The following NRXN3 variants were observed in gnomAD, a reference collection of about 807,000 sequenced individuals.
NRXN3 encodes the protein neurexin III.
A neutral mutation model predicts 137.6 loss-of-function variants in NRXN3; 32 were observed. That is an observed-to-expected ratio of 0.23 (90% confidence interval 0.18 to 0.31). NRXN3 has a LOEUF of 0.31. NRXN3 is among the 10% of genes least tolerant of loss of function. The pLI is 1.00. For missense variants in NRXN3, 1,574 were observed against 2,062.5 expected (o/e 0.76, Z 4.59); for synonymous variants, 798 against 784.5 (o/e 1.02, Z -0.29).
chr14:79,352,897 A>C (rs2093274721), intron 15 of NRXN3, among the ~76,000 whole-genome samples: 1 of 152,138 alleles, frequency 6.6e-6, no homozygotes, highest in Non-Finnish European at 1.5e-5. Context: ...TACGTATTTA[A>C]CTTGTAAACT....
chr14:79,389,420 C>T (rs370478001), intron 15 of NRXN3, among the ~76,000 whole-genome samples: 43 of 152,318 alleles, frequency 2.8e-4, no homozygotes, highest in East Asian at 1.7e-3. Flanking sequence ...CCATTCATGA[C>T]GGCAGAGCCC....
At chr14:78,815,474 T>C (rs1341433450) in intron 10 of NRXN3, among the ~76,000 whole-genome samples, 1 of 114,702 alleles carries the variant, frequency 8.7e-6, no homozygotes, top group Non-Finnish European at 1.8e-5. Flanking sequence ...ATAATTTGTT[T>C]CTTTCTTTTT....
intron 6 of NRXN3, among the ~76,000 whole-genome samples, chr14:78,697,248 T>A (rs572949481): frequency 1.3e-5 from 2 of 152,138 alleles, no homozygotes; most frequent in South Asian, 4.2e-4. Context: ...TTAGACATCC[T>A]ATGTCCCTTT....
At chr14:79,726,415 A>T (rs2098889686) in intron 19 of NRXN3, among the ~76,000 whole-genome samples, 1 of 152,168 alleles carries the variant, frequency 6.6e-6, no homozygotes, top group African/African-American at 2.4e-5. Context: ...CAATTTGGCT[A>T]GCAGAATTTT....
intron 15 of NRXN3, among the ~76,000 whole-genome samples, chr14:79,132,483 A>T (rs2057676573): frequency 6.6e-6 from 1 of 152,186 alleles, no homozygotes; most frequent in East Asian, 1.9e-4. Flanking sequence ...TTTTGAATAT[A>T]TTGGGTTAAG....
chr14:78,640,043 C>T (rs1203554518), intron 4 of NRXN3, among the ~76,000 whole-genome samples: 1 of 152,110 alleles, frequency 6.6e-6, no homozygotes, highest in Non-Finnish European at 1.5e-5. Flanking sequence ...TCTTTTTCTG[C>T]CAAATTTTGC....
At chr14:78,991,824 A>T (rs2099519538) in intron 15 of NRXN3, among the ~76,000 whole-genome samples, 1 of 152,152 alleles carries the variant, frequency 6.6e-6, no homozygotes, top group Non-Finnish European at 1.5e-5. Context: ...TGTTACATAG[A>T]TGTTGCCTCT....
At chr14:78,224,122 A>G (rs866555205) in intron 1 of NRXN3, among the ~76,000 whole-genome samples, 2 of 151,246 alleles carry the variant, frequency 1.3e-5, no homozygotes, top group African/African-American at 2.4e-5. Context: ...AAATCTTCCA[A>G]CAGCTCCCCA....
intron 2 of NRXN3, among the ~76,000 whole-genome samples, chr14:78,253,194 A>G (rs1980411): frequency 0.25 from 37,450 of 152,162 alleles, 5,180 homozygotes; most frequent in Middle Eastern, 0.4. Context: ...GCTTTGACTC[A>G]CGGCTTAGTT....
At chr14:79,502,919 G>A (rs937384957) in intron 16 of NRXN3, among the ~76,000 whole-genome samples, 15 of 152,170 alleles carry the variant, frequency 9.9e-5, no homozygotes, top group Non-Finnish European at 2.2e-4. Context: ...TCAGATGGGA[G>A]CAGCTAAGTA....
At chr14:79,267,547 G>A (rs1466077266) in intron 15 of NRXN3, among the ~76,000 whole-genome samples, 1 of 151,804 alleles carries the variant, frequency 6.6e-6, no homozygotes, top group African/African-American at 2.4e-5. Context: ...TAGTAGAGAG[G>A]GGGTTTCACC....
At chr14:79,853,629 C>T (rs1255468249) in intron 20 of NRXN3, 2 of 1,348,840 alleles carry the variant, frequency 1.5e-6, no homozygotes, top group East Asian at 9.2e-5. Flanking sequence ...ATCTTCATCT[C>T]CTGTGTAGTT....
At chr14:78,688,022 T>G (rs1409432325) in intron 6 of NRXN3, among the ~76,000 whole-genome samples, 2 of 152,198 alleles carry the variant, frequency 1.3e-5, no homozygotes, top group Non-Finnish European at 2.9e-5. Flanking sequence ...CCATATTTCT[T>G]TTTTAGCCTT....
chr14:78,884,443 C>A (rs2099137538), intron 10 of NRXN3, among the ~76,000 whole-genome samples: 1 of 152,134 alleles, frequency 6.6e-6, no homozygotes, highest in Non-Finnish European at 1.5e-5. Context: ...ACCCTTCCAA[C>A]TTCCTCCTAA....
At position 78,734,206 on chromosome 14, in the gene NRXN3, AACACACACACACACACAC is replaced by A. The variant is rs10563958; in HGVS notation, c.2044+19098_2044+19115del. ...GCCAAACACACGTATCTGCATCTGA[AACACACACACACACACAC>A]ACACACACACACACACACACACACA... On this transcript the variant is annotated intron_variant, in intron 8 of 20. Transcript: ENST00000335750. 4.4e-3 allele frequency among the ~76,000 whole-genome samples: 605 copies of A among 137,782 alleles called. 5 individuals are homozygous for A. Among genetic ancestry groups the A allele is most frequent in the African/African-American group, 0.014 (530 of 37,542 alleles). 90.4% of individuals were successfully genotyped at this position (137,782 alleles called of 152,430 possible).
intron 15 of NRXN3, among the ~76,000 whole-genome samples, chr14:79,242,171 C>T (rs779878525): frequency 7.2e-5 from 11 of 152,218 alleles, no homozygotes; most frequent in Non-Finnish European, 1.3e-4. Flanking sequence ...AGTCATGTAA[C>T]GTGTATAAGG....
rs193056962 is a variant in NRXN3, at chr14:79,579,419, T to C, written c.3445-84359T>C. ...GAGACATTGTGCCCACATAAAGTGA[T>C]AATGAGACTGGAACATTACAAACTT... On this transcript the variant is annotated intron_variant, in intron 16 of 20. Coordinates refer to ENST00000335750, the MANE Select transcript of NRXN3 (RefSeq NM_001330195.2). Among the ~76,000 whole-genome samples the C allele has an allele frequency of 4.0e-3, 604 of 150,198 alleles. 2 individuals carry two copies. The highest frequency in any genetic ancestry group is 7.2e-3 in the Non-Finnish European group (484 of 67,620).
At chr14:78,547,292 C>G (rs1382218970) in intron 4 of NRXN3, among the ~76,000 whole-genome samples, 3 of 151,728 alleles carry the variant, frequency 2.0e-5, no homozygotes, top group African/African-American at 7.3e-5. Context: ...TGCAAGCTCC[C>G]CGTCCTGGGT....
chr14:79,245,085 C>G (rs2074955634), intron 15 of NRXN3, among the ~76,000 whole-genome samples: 1 of 152,118 alleles, frequency 6.6e-6, no homozygotes, highest in Admixed American at 6.6e-5. Flanking sequence ...ACTTGCTGAG[C>G]TTTGGTTTCC....
Sources: allele counts gnomAD v4.1 joint callset (sites outside exome capture counted in the v4.1 genomes callset), GRCh38; gene constraint gnomAD v4.1.1; transcripts MANE v1.5; gene names NCBI Gene and HGNC (gene_info 2026-07-23, HGNC 2026-07-21).